The following NYAP2 variants were observed in gnomAD, a reference collection of about 807,000 sequenced individuals.
NYAP2 encodes the protein neuronal tyrosine-phosphorylated phosphoinositide-3-kinase adapter 2.
NYAP2 carries 23 observed loss-of-function variants against 50.4 expected under a neutral mutation model. That is an observed-to-expected ratio of 0.46 (90% confidence interval 0.33 to 0.65). The LOEUF is 0.65. NYAP2 is among the 30% of genes least tolerant of loss of function. The probability of loss-of-function intolerance (pLI) is 0.02; values close to 1 mark genes in which losing one functional copy is unlikely to be tolerated. For synonymous variants in NYAP2, 394 were observed against 365.2 expected (o/e 1.08, Z -0.90); for missense variants, 885 against 861.0 (o/e 1.03, Z -0.35).
At chr2:225,663,357 G>C in the NYAP2 span, among the ~76,000 whole-genome samples, 2 of 152,132 alleles carry the variant, frequency 1.3e-5, no homozygotes, top group East Asian at 3.9e-4. Context: ...GCAAAAGAGT[G>C]ATTGTAGTTG....
chr2:225,437,083 TA>T (rs1689391207), intron 3 of NYAP2, among the ~76,000 whole-genome samples: 2 of 152,006 alleles, frequency 1.3e-5, no homozygotes, highest in Admixed American at 1.3e-4. Context: ...AAATCATATA[TA>T]TATATATATG....
chr2:225,619,433 T>C (rs1017863117), intron 5 of NYAP2, among the ~76,000 whole-genome samples: 3 of 152,194 alleles, frequency 2.0e-5, no homozygotes, highest in African/African-American at 4.8e-5. Flanking sequence ...TTAAAAGAGA[T>C]CTTCAGGTGG....
chr2:225,555,552 T>C (rs756523393), intron 4 of NYAP2, among the ~76,000 whole-genome samples: 2 of 152,174 alleles, frequency 1.3e-5, no homozygotes, highest in Non-Finnish European at 2.9e-5. Context: ...GGATCACCAG[T>C]ACCTCCAGAT....
chr2:225,539,466 T>C (rs1053847609), intron 4 of NYAP2, among the ~76,000 whole-genome samples: 2 of 152,252 alleles, frequency 1.3e-5, no homozygotes, highest in East Asian at 1.9e-4. Flanking sequence ...CCATTAACAA[T>C]GTAAAACCAT....
At chr2:225,399,931 A>C (rs1694830687) in exon 1 of NYAP2, 1 of 152,112 alleles carries the variant, frequency 6.6e-6, no homozygotes, top group African/African-American at 2.4e-5. Flanking sequence ...AATTAGTGCT[A>C]TAGTGAATAT....
intron 3 of NYAP2, among the ~76,000 whole-genome samples, chr2:225,428,098 T>G (rs184492254): frequency 6.6e-6 from 1 of 152,298 alleles, no homozygotes; most frequent in Admixed American, 6.5e-5. Context: ...TTTCAGTCTT[T>G]GAAAGATATC....
chr2:225,599,593 G>A (rs752797310), intron 5 of NYAP2, among the ~76,000 whole-genome samples: 18 of 152,202 alleles, frequency 1.2e-4, no homozygotes, highest in Non-Finnish European at 2.5e-4. Context: ...GTGCCAATGT[G>A]AAACCCTGAC....
intron 3 of NYAP2, among the ~76,000 whole-genome samples, chr2:225,486,630 G>T (rs1212597771): frequency 6.6e-6 from 1 of 152,124 alleles, no homozygotes; most frequent in Non-Finnish European, 1.5e-5. Flanking sequence ...TTGTTTCCAG[G>T]CATTGCTCAT....
At position 225,537,045 on chromosome 2, in the gene NYAP2, T is replaced by A. The variant is rs143601490; in HGVS notation, c.523+23373T>A. Among the ~76,000 whole-genome samples the A allele has an allele frequency of 4.0e-3, 611 of 152,312 alleles. 2 individuals carry two copies. The highest frequency in any genetic ancestry group is 0.014 in the African/African-American group (594 of 41,566). On this transcript the variant is annotated intron_variant, in intron 4 of 6. Coordinates refer to ENST00000636099, the Ensembl canonical transcript of NYAP2. ...CGCTCGCCTCGGCTTCCCAAAGTGC[T>A]GGGATTACAGGCGTGAGCCACTGAG...
At chr2:225,417,175 T>C (rs1161875650) in intron 3 of NYAP2, among the ~76,000 whole-genome samples, 4 of 152,098 alleles carry the variant, frequency 2.6e-5, no homozygotes, top group African/African-American at 4.8e-5. Context: ...CAGGGGACTT[T>C]TTGAACTACT....
Position 225,582,759 on chromosome 2 carries a change from C to T in NYAP2, c.1342C>T (p.Pro448Ser), listed in dbSNP as rs866736227. The change falls in exon 5 of 7, where the codon CCC becomes TCC. Residue 448 changes from proline (P) to serine (S), a missense_variant. Coordinates refer to ENST00000636099, the Ensembl canonical transcript of NYAP2. The surrounding 1 kb of genome is among the most constrained non-coding windows in gnomAD (Gnocchi z 7.0). ...CGTCAGCATGGGGAGGTCCCTGACT[C>T]CCCTGAGCCTCAAAAGGCCTCCCCC... is the stretch of plus-strand genomic sequence containing the variant. The T allele has an allele frequency of 2.5e-6, 4 of 1,613,816 alleles. No individual in the cohort carries two copies. Among genetic ancestry groups the T allele is most frequent in the Non-Finnish European group, 3.4e-6 (4 of 1,179,842 alleles).
chr2:225,568,552 A>G (rs553834577), intron 4 of NYAP2, among the ~76,000 whole-genome samples: 2 of 152,342 alleles, frequency 1.3e-5, no homozygotes, highest in African/African-American at 4.8e-5. Flanking sequence ...TCAAAGGTCT[A>G]TAAGTCACTC....
At chr2:225,703,498 C>G in the NYAP2 span, 1 of 151,624 alleles carries the variant, frequency 6.6e-6, no homozygotes, top group South Asian at 2.1e-4. Flanking sequence ...TTTTAGGTAA[C>G]ATGTAATTAT....
chr2:225,408,754 C>T (rs1014425647), intron 2 of NYAP2, 110 bp from the exon 3 acceptor site: 4 of 591,756 alleles, frequency 6.8e-6, no homozygotes, highest in African/African-American at 1.9e-5. Flanking sequence ...ATATTTTCTC[C>T]AATCGGATTT....
chr2:225,593,769 A>G (rs989408305), intron 5 of NYAP2, among the ~76,000 whole-genome samples: 1 of 152,246 alleles, frequency 6.6e-6, no homozygotes, highest in Non-Finnish European at 1.5e-5. Context: ...TTGAATTAAT[A>G]GGCACACTTA....
chr2:225,516,803 G>A (rs757332545), intron 4 of NYAP2, among the ~76,000 whole-genome samples: 19 of 152,122 alleles, frequency 1.2e-4, no homozygotes, highest in Non-Finnish European at 1.0e-4. Context: ...TCATTACAGA[G>A]CATATGTTTT....
At chr2:225,456,220 T>C (rs1346577164) in intron 3 of NYAP2, among the ~76,000 whole-genome samples, 3 of 152,232 alleles carry the variant, frequency 2.0e-5, no homozygotes, top group African/African-American at 7.2e-5. Flanking sequence ...CCCAGTGAAT[T>C]TGAGTCACCC....
In NYAP2 at chr2:225,589,287, CA is replaced by C. The variant is rs35455311; in HGVS notation, c.1618+6259del. Among the ~76,000 whole-genome samples, 85 of 149,008 alleles carry C rather than the reference CA, an allele frequency of 5.7e-4. 2 individuals are homozygous for C. The highest frequency in any genetic ancestry group is 5.7e-3 in the Admixed American group (85 of 14,920). On this transcript the variant is annotated intron_variant, in intron 5 of 6. Transcript: ENST00000636099. The stretch of plus-strand genomic sequence containing the variant: ...TGAGAGGTTAGGAACATCAACTTCC[CA>C]AAAAAATAAGAAATCCTGGAAAACA...
intron 6 of NYAP2, among the ~76,000 whole-genome samples, chr2:225,628,905 G>A (rs1049738664): frequency 6.6e-6 from 1 of 152,096 alleles, no homozygotes; most frequent in Admixed American, 6.6e-5. Context: ...ACATTTAAGT[G>A]CTCAAAGTCT....
Sources: allele counts gnomAD v4.1 joint callset (sites outside exome capture counted in the v4.1 genomes callset), GRCh38; gene constraint gnomAD v4.1.1; non-coding constraint Gnocchi (gnomAD v3.1); transcripts MANE v1.5; gene names NCBI Gene and HGNC (gene_info 2026-07-23, HGNC 2026-07-21).